Variants in SBF1 observed in about 807,000 individuals in gnomAD.
SBF1 encodes myotubularin-related protein 5.
A neutral mutation model predicts 215.8 loss-of-function variants in SBF1; 65 were observed. The observed-to-expected ratio is 0.30, with a 90% CI of 0.25 to 0.37. The LOEUF (loss-of-function observed/expected upper bound fraction) is 0.37. Ranked by LOEUF, SBF1 falls within the 10% of genes least tolerant of loss-of-function variation. The probability of loss-of-function intolerance (pLI) is 1.00; values close to 1 mark genes in which losing one functional copy is unlikely to be tolerated. For synonymous variants in SBF1, 1,410 were observed against 1,122.8 expected, an observed-to-expected ratio of 1.26 and a Z score of -5.11; for missense variants, 2,634 against 2,667.8, an observed-to-expected ratio of 0.99 and a Z score of 0.28.
intron 28 of SBF1, among the ~76,000 whole-genome samples, chr22:50,458,643 T>G (rs148427941): frequency 1.3e-5 from 2 of 151,932 alleles, no homozygotes; most frequent in African/African-American, 2.4e-5. Flanking sequence ...CAGGAGTGAG[T>G]GTGGGGCCTA....
chr22:50,455,377 G>A lies in SBF1; in HGVS notation c.4401C>T (p.Pro1467=), dbSNP rs11540935. Reference sequence around the variant, plus strand: ...GAAAGCCCTCCAGCGTGCGGTAGAAGGGGTCTGAGAGCAGCTGCACCAAGG... The same window carrying A: ...GAAAGCCCTCCAGCGTGCGGTAGAAAGGGTCTGAGAGCAGCTGCACCAAGG... The part of the protein sequence containing the change: ...VVSLVQLLSD[P]FYRTLEGFRL... The change falls in exon 33 of 41, where the codon CCC becomes CCT. Residue 1467 remains proline, a synonymous_variant. Coordinates refer to ENST00000380817, the MANE Select transcript of SBF1 (RefSeq NM_002972.4). 3.1e-6 allele frequency: 5 copies of A among 1,613,122 alleles called. No homozygotes were observed. Among genetic ancestry groups the A allele is most frequent in the African/African-American group, 1.3e-5 (1 of 75,000 alleles).
chr22:50,451,662 T>C (rs1326316759), intron 36 of SBF1, among the ~76,000 whole-genome samples: 4 of 152,102 alleles, frequency 2.6e-5, no homozygotes, highest in East Asian at 1.9e-4. Context: ...AATGGTCAAA[T>C]TGCTGAAGCC....
rs1012912781 is a variant in SBF1 at position 50,462,017 on chromosome 22, A to G, written c.2499T>C (p.Phe833=). The change falls in exon 20 of 41, where the codon TTT becomes TTC. Residue 833 remains phenylalanine (F), a synonymous_variant. Transcript: ENST00000380817. ...CACTCTCCGTGCAGACCTTGTCCAC[A>G]AAGCGGTTGATGAAGCGGACCACAG... is the stretch of plus-strand genomic sequence containing the variant. ...AGAVVRFINR[F]VDKVCTESGV... 1.9e-6 allele frequency: 3 copies of G among 1,614,084 alleles called. No homozygotes were observed. The highest frequency in any genetic ancestry group is 2.5e-6 in the Non-Finnish European group (3 of 1,180,044).
Position 50,447,127 on chromosome 22 carries a change from G to A in SBF1, c.*15C>T. On this transcript the variant is annotated 3_prime_UTR_variant, in exon 41 of 41. Coordinates refer to ENST00000380817, the MANE Select transcript of SBF1 (RefSeq NM_002972.4). Reference sequence around the variant, plus strand: ...TAACGACCGGAAGCAGAGCAGCCGGGCAGGGCTGGGAGGCTCAGGCGTCCG... The same window carrying A: ...TAACGACCGGAAGCAGAGCAGCCGGACAGGGCTGGGAGGCTCAGGCGTCCG... 1 of 1,605,590 alleles carries A rather than the reference G, an allele frequency of 6.2e-7. No homozygotes were observed. The highest frequency in any genetic ancestry group is 8.5e-7 in the Non-Finnish European group (1 of 1,175,784).
At chr22:50,451,329 A>T (rs2067038997) in intron 36 of SBF1, among the ~76,000 whole-genome samples, 1 of 152,204 alleles carries the variant, frequency 6.6e-6, no homozygotes, top group Admixed American at 6.5e-5. Flanking sequence ...TGGGCAACAG[A>T]GCAAGACCCT....
At chr22:50,457,276 T>A (rs1479968740) in intron 28 of SBF1, 165 bp from the exon 29 acceptor site, 12 of 513,956 alleles carry the variant, frequency 2.3e-5, no homozygotes, top group Non-Finnish European at 3.6e-5. Flanking sequence ...AGAGCCATCC[T>A]GGTGTGGGCC....
chr22:50,446,247 C>T lies in SBF1; in HGVS notation c.*895G>A, dbSNP rs562103431. ...ACTTTTGGGGCAGAATTCCCAAGAA[C>T]TGAGAGGGTCCATCCCCCATGGGCG... On this transcript the variant is annotated 3_prime_UTR_variant, in exon 41 of 41. Coordinates refer to ENST00000380817, the MANE Select transcript of SBF1 (RefSeq NM_002972.4). 1 of 151,966 alleles carries T rather than the reference C, an allele frequency of 6.6e-6. No individual in the cohort carries two copies. The highest frequency in any genetic ancestry group is 6.6e-5 in the Admixed American group (1 of 15,218). 9.4% of individuals were successfully genotyped at this position (151,966 alleles called of 1,614,324 possible). A position where few individuals can be genotyped will look rare whatever the true frequency, so the allele number is the denominator to read the frequency against.
intron 1 of SBF1, among the ~76,000 whole-genome samples, chr22:50,469,746 C>G (rs991295152): frequency 6.6e-6 from 1 of 152,088 alleles, no homozygotes; most frequent in Non-Finnish European, 1.5e-5. Flanking sequence ...ATGGACCCCC[C>G]ACCCCGGCCC....
In SBF1 at chr22:50,460,298, G is replaced by A. The variant is rs1401016768; in HGVS notation, c.3257C>T (p.Pro1086Leu). Reference sequence around the variant, plus strand: ...TGAGATCTCGTCCTCCTGGTCCTCAGGGGGCGGCTGGCCCCGGTGCTCCCA... The same window carrying A: ...TGAGATCTCGTCCTCCTGGTCCTCAAGGGGCGGCTGGCCCCGGTGCTCCCA... ...PSWEHRGQPP[P>L]EDQEDEISVS... is the part of the protein sequence containing the mutation. The change falls in exon 25 of 41, where the codon CCT (proline) becomes CTT (leucine). Residue 1086 changes from proline (P) to leucine (L), a missense_variant. Physicochemically the swap from Pro to Leu is moderately conservative, Grantham distance 98. Coordinates refer to ENST00000380817, the MANE Select transcript of SBF1 (RefSeq NM_002972.4). 5 of 1,609,890 alleles carry A rather than the reference G, an allele frequency of 3.1e-6. No individual in the cohort carries two copies. Among genetic ancestry groups the A allele is most frequent in the Non-Finnish European group, 4.2e-6 (5 of 1,177,260 alleles).
chr22:50,455,214 G>A lies in SBF1; in HGVS notation c.4554+10C>T. The A allele has an allele frequency of 1.2e-6, 2 of 1,612,062 alleles. No individual in the cohort carries two copies. The highest frequency in any genetic ancestry group is 1.7e-4 in the Middle Eastern group (1 of 6,058). On this transcript the variant is annotated intron_variant, in intron 33 of 40. Coordinates refer to ENST00000380817, the MANE Select transcript of SBF1 (RefSeq NM_002972.4). ...ACAGTCCCGGCCCACCCACACAGCG[G>A]CCTGCCCACCTGGTGTACGCAGTCC...
chr22:50,458,088 A>G (rs1343994312), intron 28 of SBF1, among the ~76,000 whole-genome samples: 1 of 152,192 alleles, frequency 6.6e-6, no homozygotes, highest in Non-Finnish European at 1.5e-5. Flanking sequence ...TCACCAGGTC[A>G]GGAGATCGAG....
intron 24 of SBF1, 29 bp from the exon 25 acceptor site, chr22:50,460,437 A>AG (rs1179317656): frequency 6.2e-7 from 1 of 1,602,570 alleles, no homozygotes; most frequent in African/African-American, 1.3e-5. Context: ...AGCAAAGGTG[A>AG]GAGGAGGAGG....
chr22:50,460,475 G>A, intron 24 of SBF1, 59 bp downstream of exon 24: 1 of 1,608,164 alleles, frequency 6.2e-7, no homozygotes, highest in Non-Finnish European at 8.5e-7. Context: ...GGGCCTAGGA[G>A]GGTTGGAGCG....
At chr22:50,455,990 C>G in intron 31 of SBF1, 1 of 581,112 alleles carries the variant, frequency 1.7e-6, no homozygotes, top group Non-Finnish European at 3.0e-6. Flanking sequence ...GCTGCTCCGA[C>G]ATACCCATGC....
rs563746598 is a variant in SBF1 at position 50,454,880 on chromosome 22, A to G, written c.4746T>C (p.Tyr1582=). The G allele has an allele frequency of 2.9e-5, 47 of 1,614,050 alleles. No homozygotes were observed. Among genetic ancestry groups the G allele is most frequent in the Non-Finnish European group, 1.5e-5 (18 of 1,179,986 alleles). Residue 1582 remains tyrosine (Y), a synonymous_variant, in exon 35 of 41, where the codon TAT becomes TAC. Coordinates refer to ENST00000380817, the MANE Select transcript of SBF1 (RefSeq NM_002972.4). ...GQVPCRSVWE[Y]VDRLSKRTPV... is the part of the protein sequence containing the mutation. The stretch of plus-strand genomic sequence containing the variant: ...GCGTCCTCTTGCTCAGCCGGTCCAC[A>G]TACTCCCACACAGACCTGCACGGCA...
In SBF1 at chr22:50,454,911, C is replaced by T; in HGVS notation, c.4715G>A (p.Gly1572Asp). Residue 1572 changes from glycine (G) to aspartate (D), a missense_variant, in exon 35 of 41, where the codon GGC becomes GAC. Transcript: ENST00000380817. ...LLYEEKGERR[G>D]QVPCRSVWEY... ...CCACACAGACCTGCACGGCACCTGG[C>T]CCCTGCGTTCCCCCTTCTCCTCATA... 6.2e-7 allele frequency: 1 copy of T among 1,614,054 alleles called. No homozygotes were observed. Among genetic ancestry groups the T allele is most frequent in the East Asian group, 2.2e-5 (1 of 44,876 alleles).
rs1391302083 is a variant in SBF1, at chr22:50,464,633, C to T, written c.1537G>A (p.Val513Met). The T allele has an allele frequency of 5.0e-6, 8 of 1,610,344 alleles. No individual in the cohort carries two copies. The highest frequency in any genetic ancestry group is 1.7e-4 in the Middle Eastern group (1 of 6,056). ...GCAGCCTGGTCCACGATCCACTGCA[C>T]GGTGCCCTCATCCAGCCGGGGGAAG... ...RPFPRLDEGT[V>M]QWIVDQAAAK... Residue 513 changes from valine (V) to methionine (M), a missense_variant, in exon 14 of 41, where the codon GTG (valine) becomes ATG (methionine). Val to Met is a conservative substitution (Grantham distance 21). Coordinates refer to ENST00000380817, the MANE Select transcript of SBF1 (RefSeq NM_002972.4).
At chr22:50,463,052 T>A in intron 16 of SBF1, 114 bp from the exon 17 acceptor site, 1 of 1,227,346 alleles carries the variant, frequency 8.1e-7, no homozygotes, top group Non-Finnish European at 1.2e-6. Context: ...CACCCTTGGC[T>A]CCAGCTCCCC....
chr22:50,453,484 C>T (rs538614061), intron 36 of SBF1, among the ~76,000 whole-genome samples: 25 of 152,288 alleles, frequency 1.6e-4, no homozygotes, highest in South Asian at 4.1e-4. Context: ...GAACCAGAAG[C>T]TCTAAGATGC....
Sources: allele counts gnomAD v4.1 joint callset (sites outside exome capture counted in the v4.1 genomes callset), GRCh38; gene constraint gnomAD v4.1.1; transcripts MANE v1.5; gene names NCBI Gene and HGNC (gene_info 2026-07-23, HGNC 2026-07-21).